Variants in FBXO8 observed in about 807,000 individuals in gnomAD.
FBXO8 encodes F-box protein 8, also known as F-box only protein 8.
In FBXO8, 15 loss-of-function variants were observed where a neutral mutation model predicts 33.4. The observed-to-expected ratio is 0.45, with a 90% CI of 0.30 to 0.69. FBXO8 has a LOEUF of 0.69. Ranked by LOEUF, FBXO8 falls within the 30% of genes least tolerant of loss-of-function variation. FBXO8 has a pLI of 0.08. For synonymous variants in FBXO8, 132 were observed against 131.5 expected, an observed-to-expected ratio of 1.00 and a Z score of -0.02; for missense variants, 274 against 380.3, an observed-to-expected ratio of 0.72 and a Z score of 2.32.
In FBXO8 at chr4:174,253,310, C is replaced by T. The variant is rs571943644; in HGVS notation, c.456+6389G>A. Reference sequence around the variant, plus strand: ...ACCTATATCCTTTTCTTTTGCCACACTGTGTAGTAGTATTTCCCTCTGGTT... The same window carrying T: ...ACCTATATCCTTTTCTTTTGCCACATTGTGTAGTAGTATTTCCCTCTGGTT... On this transcript the variant is annotated intron_variant, in intron 3 of 5. Coordinates refer to ENST00000393674, the MANE Select transcript of FBXO8 (RefSeq NM_012180.3). This position sits in a 1 kb window ranked among gnomAD's most constrained non-coding sequence, Gnocchi z 4.5. Among the ~76,000 whole-genome samples the T allele has an allele frequency of 4.6e-5, 7 of 152,322 alleles. No homozygotes were observed. Among genetic ancestry groups the T allele is most frequent in the African/African-American group, 1.7e-4 (7 of 41,584 alleles).
Position 174,262,973 on chromosome 4 carries a change from G to C in FBXO8, c.120C>G (p.Asn40Lys), listed in dbSNP as rs763570315. ...CTTGGACTTGTTTACGATGATTGGT[G>C]TTAGAAATGTTGCTCGCAGCCATTC... ...SRRMAASNIS[N>K]TNHRKQVQGG... The change falls in exon 2 of 6, where the codon AAC becomes AAG. Residue 40 changes from asparagine to lysine, a missense_variant. Asn to Lys is a moderately conservative substitution (Grantham distance 94). This residue lies in a region of FBXO8 where 88 missense variants were observed against 86.9 expected (regional missense o/e 1.01). Transcript: ENST00000393674. This position sits in a 1 kb window ranked among gnomAD's most constrained non-coding sequence, Gnocchi z 4.6. The C allele has an allele frequency of 1.9e-5, 31 of 1,613,932 alleles. 1 individual carries two copies. In the Admixed American group the frequency reaches 5.0e-4, roughly 26 times the overall value.
At position 174,237,033 on chromosome 4, in the gene FBXO8, CTT is replaced by C. The variant is rs1735902238; in HGVS notation, c.*377_*378del. The C allele has an allele frequency of 1.3e-5, 2 of 156,920 alleles. No homozygotes were observed. The highest frequency in any genetic ancestry group is 2.8e-5 in the Non-Finnish European group (2 of 71,076). 9.7% of individuals were successfully genotyped at this position (156,920 alleles called of 1,614,324 possible). On this transcript the variant is annotated 3_prime_UTR_variant, in exon 6 of 6. Coordinates refer to ENST00000393674, the MANE Select transcript of FBXO8 (RefSeq NM_012180.3). The surrounding 1 kb of genome is among the most constrained non-coding windows in gnomAD (Gnocchi z 4.4). The stretch of plus-strand genomic sequence containing the variant: ...ATAAAATAATTATGACTATAAATCT[CTT>C]TAGTTAAATATGTACACATTACATG...
intron 5 of FBXO8, among the ~76,000 whole-genome samples, chr4:174,238,178 T>C (rs1293528263): frequency 1.3e-5 from 2 of 151,990 alleles, no homozygotes; most frequent in Non-Finnish European, 2.9e-5. Flanking sequence ...GGAACTTACA[T>C]ATTAATTTTG....
Position 174,241,676 on chromosome 4 carries a change from C to G in FBXO8, c.457-458G>C, listed in dbSNP as rs1395365560. Among the ~76,000 whole-genome samples the G allele has an allele frequency of 1.3e-5, 2 of 151,384 alleles. No individual in the cohort carries two copies. The highest frequency in any genetic ancestry group is 4.8e-5 in the African/African-American group (2 of 41,322). ...ATAAAAAAATGCTCCAAATGAAAGACTAGCAATTTTATTCTGGGAGAAAAA... is the reference window on the plus strand; with the variant it reads ...ATAAAAAAATGCTCCAAATGAAAGAGTAGCAATTTTATTCTGGGAGAAAAA... On this transcript the variant is annotated intron_variant, in intron 3 of 5. Coordinates refer to ENST00000393674, the MANE Select transcript of FBXO8 (RefSeq NM_012180.3). The surrounding 1 kb of genome is among the most constrained non-coding windows in gnomAD (Gnocchi z 4.2).
At position 174,277,698 on chromosome 4, in the gene FBXO8, G is replaced by A. The variant is rs1161347923; in HGVS notation, c.-9+5712C>T. 1.3e-5 allele frequency among the ~76,000 whole-genome samples: 2 copies of A among 151,966 alleles called. No individual in the cohort carries two copies. Among genetic ancestry groups the A allele is most frequent in the Non-Finnish European group, 2.9e-5 (2 of 67,942 alleles). On this transcript the variant is annotated intron_variant, in intron 1 of 5. Coordinates refer to ENST00000393674, the MANE Select transcript of FBXO8 (RefSeq NM_012180.3). This position sits in a 1 kb window ranked among gnomAD's most constrained non-coding sequence, Gnocchi z 4.9. ...CCTCATTTAAATACACATTATAAAT[G>A]GTCATTTTTCTTCAGTATTTCTTAG...
chr4:174,241,563 A>C lies in FBXO8; in HGVS notation c.457-345T>G, dbSNP rs1736039728. ...TACAGACGTTAAAACAAGCCTTTTA[A>C]CAAACACTTCTGCTGTCTAATACAA... On this transcript the variant is annotated intron_variant, in intron 3 of 5. Coordinates refer to ENST00000393674, the MANE Select transcript of FBXO8 (RefSeq NM_012180.3). The surrounding 1 kb of genome is among the most constrained non-coding windows in gnomAD (Gnocchi z 4.2). 6.6e-6 allele frequency among the ~76,000 whole-genome samples: 1 copy of C among 151,618 alleles called. No individual in the cohort carries two copies. Among genetic ancestry groups the C allele is most frequent in the South Asian group, 2.1e-4 (1 of 4,826 alleles).
In FBXO8 at chr4:174,245,856, A is replaced by C. The variant is rs1465407948; in HGVS notation, c.457-4638T>G. 6.6e-6 allele frequency among the ~76,000 whole-genome samples: 1 copy of C among 151,948 alleles called. No individual in the cohort carries two copies. Among genetic ancestry groups the C allele is most frequent in the East Asian group, 1.9e-4 (1 of 5,184 alleles). On this transcript the variant is annotated intron_variant, in intron 3 of 5. Coordinates refer to ENST00000393674, the MANE Select transcript of FBXO8 (RefSeq NM_012180.3). This position sits in a 1 kb window ranked among gnomAD's most constrained non-coding sequence, Gnocchi z 4.6. ...GACAGTGAAAAGTGAAAGACAGCTG[A>C]TGGTTCTGGCTTAGATGAAGAGGGA...
Position 174,256,234 on chromosome 4 carries a change from T to C in FBXO8, c.456+3465A>G, listed in dbSNP as rs150776363. 1.9e-3 allele frequency: 835 copies of C among 440,376 alleles called. 4 individuals are homozygous for C. The highest frequency in any genetic ancestry group is 2.6e-3 in the Non-Finnish European group (584 of 221,874). 27.3% of individuals were successfully genotyped at this position (440,376 alleles called of 1,614,324 possible). A position where few individuals can be genotyped will look rare whatever the true frequency, so the allele number is the denominator to read the frequency against. ...ACTGGAAATTATGAAAAAGTAGACT[T>C]TTTACAATACTAAGCAATTATATAC... On this transcript the variant is annotated intron_variant, in intron 3 of 5. Transcript: ENST00000393674. This position sits in a 1 kb window ranked among gnomAD's most constrained non-coding sequence, Gnocchi z 4.6.
chr4:174,267,633 C>T lies in FBXO8; in HGVS notation c.-8-4533G>A, dbSNP rs879380269. Among the ~76,000 whole-genome samples, 6 of 152,242 alleles carry T rather than the reference C, an allele frequency of 3.9e-5. No homozygotes were observed. The highest frequency in any genetic ancestry group is 4.8e-5 in the African/African-American group (2 of 41,542). On this transcript the variant is annotated intron_variant, in intron 1 of 5. Transcript: ENST00000393674. The surrounding 1 kb of genome is among the most constrained non-coding windows in gnomAD (Gnocchi z 4.7). ...ATGTAGAATATGATGCAGTTTCATGCGGGGTTCGTCCATGATTTCAAACTC... is the reference window on the plus strand; with the variant it reads ...ATGTAGAATATGATGCAGTTTCATGTGGGGTTCGTCCATGATTTCAAACTC...
rs1209403187 is a variant in FBXO8, at chr4:174,262,580, C to T, written c.329+184G>A. ...TATTATTCTATTTTCTATTGTCCTC[C>T]TTTTCACAAGATCAAATTTGACTGT... On this transcript the variant is annotated intron_variant, in intron 2 of 5. Coordinates refer to ENST00000393674, the MANE Select transcript of FBXO8 (RefSeq NM_012180.3). The surrounding 1 kb of genome is among the most constrained non-coding windows in gnomAD (Gnocchi z 4.6). 6.6e-6 allele frequency among the ~76,000 whole-genome samples: 1 copy of T among 152,176 alleles called. No individual in the cohort carries two copies. The highest frequency in any genetic ancestry group is 2.4e-5 in the African/African-American group (1 of 41,440).
intron 1 of FBXO8, among the ~76,000 whole-genome samples, chr4:174,266,826 G>A (rs1736707055): frequency 6.6e-6 from 1 of 152,190 alleles, no homozygotes; most frequent in Non-Finnish European, 1.5e-5. Flanking sequence ...GTAAGATAAT[G>A]TACATAAAGT....
rs898570658 is a variant in FBXO8 at position 174,262,471 on chromosome 4, G to A, written c.329+293C>T. On this transcript the variant is annotated intron_variant, in intron 2 of 5. Transcript: ENST00000393674. The surrounding 1 kb of genome is among the most constrained non-coding windows in gnomAD (Gnocchi z 4.6). ...AGAAATTCTCACTCCACAACTTTGC[G>A]GTATTTTCAGAATAAAGTGAGAGTT... is the stretch of plus-strand genomic sequence containing the variant. 9.2e-5 allele frequency among the ~76,000 whole-genome samples: 14 copies of A among 152,136 alleles called. No individual in the cohort carries two copies. The South Asian group carries it at 1.2e-3, about 14-fold the overall frequency.
intron 1 of FBXO8, among the ~76,000 whole-genome samples, chr4:174,268,561 A>T (rs990227095): frequency 6.6e-6 from 1 of 151,976 alleles, no homozygotes; most frequent in Non-Finnish European, 1.5e-5. Flanking sequence ...CTCAGCCTCC[A>T]GAGTGCTGGG....
intron 1 of FBXO8, among the ~76,000 whole-genome samples, chr4:174,264,449 T>C (rs968815719): frequency 3.9e-5 from 6 of 152,126 alleles, no homozygotes; most frequent in African/African-American, 1.4e-4. Flanking sequence ...GATTTTATTT[T>C]AGTATTTAAA....
chr4:174,275,328 C>T lies in FBXO8; in HGVS notation c.-9+8082G>A, dbSNP rs1736935646. ...ATGTGAACTTGCACAGAACTTCATA[C>T]ACACACATATGTACACTGAGTAAAA... On this transcript the variant is annotated intron_variant, in intron 1 of 5. Coordinates refer to ENST00000393674, the MANE Select transcript of FBXO8 (RefSeq NM_012180.3). This position sits in a 1 kb window ranked among gnomAD's most constrained non-coding sequence, Gnocchi z 4.4. Among the ~76,000 whole-genome samples, 1 of 152,090 alleles carries T rather than the reference C, an allele frequency of 6.6e-6. No homozygotes were observed. Among genetic ancestry groups the T allele is most frequent in the South Asian group, 2.1e-4 (1 of 4,830 alleles).
rs1323910271 is a variant in FBXO8 at position 174,245,589 on chromosome 4, A to C, written c.457-4371T>G. Among the ~76,000 whole-genome samples the C allele has an allele frequency of 6.6e-6, 1 of 151,942 alleles. No homozygotes were observed. The highest frequency in any genetic ancestry group is 1.5e-5 in the Non-Finnish European group (1 of 67,904). Reference sequence around the variant, plus strand: ...TTTTAGGGTAAGAAGTTTATTCTCTATCCTAAATCTAACTGGAAGCCTCTG... The same window carrying C: ...TTTTAGGGTAAGAAGTTTATTCTCTCTCCTAAATCTAACTGGAAGCCTCTG... On this transcript the variant is annotated intron_variant, in intron 3 of 5. Coordinates refer to ENST00000393674, the MANE Select transcript of FBXO8 (RefSeq NM_012180.3). This position sits in a 1 kb window ranked among gnomAD's most constrained non-coding sequence, Gnocchi z 4.6.
Position 174,253,667 on chromosome 4 carries a change from T to C in FBXO8, c.456+6032A>G, listed in dbSNP as rs1378208184. 6.6e-6 allele frequency among the ~76,000 whole-genome samples: 1 copy of C among 152,222 alleles called. No homozygotes were observed. The highest frequency in any genetic ancestry group is 1.5e-5 in the Non-Finnish European group (1 of 68,040). On this transcript the variant is annotated intron_variant, in intron 3 of 5. Coordinates refer to ENST00000393674, the MANE Select transcript of FBXO8 (RefSeq NM_012180.3). This position sits in a 1 kb window ranked among gnomAD's most constrained non-coding sequence, Gnocchi z 4.5. ...TCTTCTAGCATCCTAGCTGCAGTTG[T>C]TGAATTATAAGTCTAAGCCAATCAT...
chr4:174,277,655 T>C lies in FBXO8; in HGVS notation c.-9+5755A>G, dbSNP rs570975651. 2.0e-5 allele frequency among the ~76,000 whole-genome samples: 3 copies of C among 152,156 alleles called. No homozygotes were observed. Among genetic ancestry groups the C allele is most frequent in the Non-Finnish European group, 4.4e-5 (3 of 67,966 alleles). On this transcript the variant is annotated intron_variant, in intron 1 of 5. Transcript: ENST00000393674. This position sits in a 1 kb window ranked among gnomAD's most constrained non-coding sequence, Gnocchi z 4.9. ...ACGGTGTTAAATCATTGGTATGTAA[T>C]GACTGACATATGAATAGCCTCATTT...
In FBXO8 at chr4:174,256,704, T is replaced by C. The variant is rs2136017; in HGVS notation, c.456+2995A>G. ...CTTTTTTTCCTATATATTTCCTAAG[T>C]GCATTCTGGTAAAGATAGCATTTTC... is the stretch of plus-strand genomic sequence containing the variant. On this transcript the variant is annotated intron_variant, in intron 3 of 5. Transcript: ENST00000393674. This position sits in a 1 kb window ranked among gnomAD's most constrained non-coding sequence, Gnocchi z 4.6. Among the ~76,000 whole-genome samples the C allele has an allele frequency of 2.6e-5, 4 of 152,170 alleles. No homozygotes were observed. Among genetic ancestry groups the C allele is most frequent in the Admixed American group, 2.0e-4 (3 of 15,268 alleles).
Sources: allele counts gnomAD v4.1 joint callset (sites outside exome capture counted in the v4.1 genomes callset), GRCh38; gene constraint gnomAD v4.1.1; regional missense constraint gnomAD v4.1.1; non-coding constraint Gnocchi (gnomAD v3.1); transcripts MANE v1.5; gene names NCBI Gene and HGNC (gene_info 2026-07-23, HGNC 2026-07-21).